RERG: variants seen among roughly 807,000 people sequenced by gnomAD.
RERG encodes RAS like estrogen regulated growth inhibitor, also known as ras-related and estrogen-regulated growth inhibitor.
Under a neutral mutation model 23.2 loss-of-function variants are expected in RERG, and 25 were observed. The ratio of observed to expected loss-of-function variants is 1.08; its 90% CI spans 0.79 to 1.50. The LOEUF is 1.50. Among genes scored for constraint, RERG ranks in the 40% most tolerant of loss-of-function variants. The probability of loss-of-function intolerance (pLI) is 0.00; values close to 1 mark genes in which losing one functional copy is unlikely to be tolerated. For synonymous variants in RERG, 81 were observed against 89.1 expected (o/e 0.91, Z 0.51); for missense variants, 253 against 250.1 (o/e 1.01, Z -0.08).
chr12:15,111,867 G>A lies in RERG; in HGVS notation c.119-450C>T, dbSNP rs371428263. On this transcript the variant is annotated intron_variant, in intron 3 of 4. Coordinates refer to ENST00000256953, the MANE Select transcript of RERG (RefSeq NM_032918.3). ...ATTTTTGTATTTTTAGTGGAGACAA[G>A]GTTTCACCATGTTGGCCAGGCTGGA... Among the ~76,000 whole-genome samples, 8 of 152,086 alleles carry A rather than the reference G, an allele frequency of 5.3e-5. No individual in the cohort carries two copies. In the South Asian group the frequency reaches 1.5e-3, roughly 28 times the overall value.
intron 2 of RERG, among the ~76,000 whole-genome samples, chr12:15,121,778 G>A (rs1863836652): frequency 6.6e-6 from 1 of 152,120 alleles, no homozygotes; most frequent in African/African-American, 2.4e-5. Flanking sequence ...AGGCACTGTG[G>A]GGTTAACTCA....
chr12:15,151,196 T>C (rs1864436226), intron 2 of RERG, among the ~76,000 whole-genome samples: 1 of 152,146 alleles, frequency 6.6e-6, no homozygotes, highest in South Asian at 2.1e-4. Context: ...TGAACACACT[T>C]AATCTTAGAG....
chr12:15,122,069 A>T (rs2136089038), intron 2 of RERG, among the ~76,000 whole-genome samples: 1 of 152,306 alleles, frequency 6.6e-6, no homozygotes, highest in Non-Finnish European at 1.5e-5. Context: ...GGCACTTAAA[A>T]AATGGAATGA....
intron 2 of RERG, among the ~76,000 whole-genome samples, chr12:15,198,522 A>C (rs1865175131): frequency 6.6e-6 from 1 of 152,146 alleles, no homozygotes; most frequent in Non-Finnish European, 1.5e-5. Context: ...CTTCTTGTTT[A>C]ATTTCAGTAT....
chr12:15,143,640 G>A (rs1864279173), intron 2 of RERG, among the ~76,000 whole-genome samples: 1 of 152,134 alleles, frequency 6.6e-6, no homozygotes, highest in Admixed American at 6.5e-5. Context: ...AGGTCCTAGA[G>A]ATGTAAACAG....
intron 2 of RERG, among the ~76,000 whole-genome samples, chr12:15,166,514 A>ATGGTGTTGG (rs1361894018): frequency 6.7e-6 from 1 of 149,396 alleles, no homozygotes; most frequent in Non-Finnish European, 1.5e-5. Context: ...GATGGTGGTG[A>ATGGTGTTGG]TGGTGGTGAT....
chr12:15,110,105 G>A (rs1387419859), intron 4 of RERG, among the ~76,000 whole-genome samples: 1 of 151,790 alleles, frequency 6.6e-6, no homozygotes. Flanking sequence ...CTATCTCAGA[G>A]CCCCCAAAAT....
chr12:15,120,525 A>G (rs1264788410), intron 3 of RERG, among the ~76,000 whole-genome samples: 2 of 151,868 alleles, frequency 1.3e-5, no homozygotes, highest in Non-Finnish European at 2.9e-5. Flanking sequence ...GTGTTTGCCT[A>G]CATTTTATAC....
At chr12:15,150,819 G>T (rs558507278) in intron 2 of RERG, among the ~76,000 whole-genome samples, 1 of 152,312 alleles carries the variant, frequency 6.6e-6, no homozygotes, top group Admixed American at 6.5e-5. Flanking sequence ...AGATGTGGGA[G>T]GTTATAGGGA....
intron 2 of RERG, among the ~76,000 whole-genome samples, chr12:15,148,076 C>CA (rs1212337399): frequency 6.6e-6 from 1 of 152,028 alleles, no homozygotes; most frequent in Non-Finnish European, 1.5e-5. Flanking sequence ...TTCTGCAAAC[C>CA]AAAGCCAGGG....
intron 2 of RERG, among the ~76,000 whole-genome samples, chr12:15,125,555 C>A (rs533576407): frequency 6.6e-6 from 1 of 151,922 alleles, no homozygotes; most frequent in Admixed American, 6.5e-5. Context: ...CAATGACATA[C>A]ATTACCAAGC....
chr12:15,135,802 G>A (rs1417267008), intron 2 of RERG, among the ~76,000 whole-genome samples: 1 of 152,042 alleles, frequency 6.6e-6, no homozygotes, highest in Non-Finnish European at 1.5e-5. Flanking sequence ...TTCAATTTGT[G>A]AATATTTTAT....
intron 2 of RERG, among the ~76,000 whole-genome samples, chr12:15,185,493 G>A (rs1271931220): frequency 6.6e-6 from 1 of 152,046 alleles, no homozygotes; most frequent in Non-Finnish European, 1.5e-5. Flanking sequence ...CCTACCTCCC[G>A]CTAGGTGAAG....
At chr12:15,129,336 G>C (rs945198219) in intron 2 of RERG, among the ~76,000 whole-genome samples, 6 of 150,830 alleles carry the variant, frequency 4.0e-5, no homozygotes, top group African/African-American at 1.5e-4. Flanking sequence ...CTTTAAAAAA[G>C]GGGGGCTCAG....
chr12:15,147,431 T>C (rs995902650), intron 2 of RERG, among the ~76,000 whole-genome samples: 11 of 152,194 alleles, frequency 7.2e-5, no homozygotes, highest in African/African-American at 2.7e-4. Context: ...TACAAAACAA[T>C]CTGAATAAAG....
At chr12:15,146,606 C>T (rs1864336668) in intron 2 of RERG, among the ~76,000 whole-genome samples, 1 of 152,202 alleles carries the variant, frequency 6.6e-6, no homozygotes. Flanking sequence ...GAAATCAAAT[C>T]TGGGACTGTC....
At chr12:15,203,287 G>A (rs1361376877) in intron 2 of RERG, among the ~76,000 whole-genome samples, 2 of 151,470 alleles carry the variant, frequency 1.3e-5, no homozygotes, top group African/African-American at 4.8e-5. Context: ...TTCACTGCTT[G>A]TTTGTTTTCT....
intron 2 of RERG, among the ~76,000 whole-genome samples, chr12:15,133,040 AC>A (rs1243182772): frequency 7.8e-6 from 1 of 128,448 alleles, no homozygotes; most frequent in Non-Finnish European, 1.6e-5. Context: ...TAGTGTGGTA[AC>A]TTTTTTTTTT....
At chr12:15,195,251 C>G (rs1006006946) in intron 2 of RERG, among the ~76,000 whole-genome samples, 2 of 151,970 alleles carry the variant, frequency 1.3e-5, no homozygotes, top group Admixed American at 6.6e-5. Context: ...AGGTCCAAAA[C>G]GACTGGGATG....
Sources: allele counts gnomAD v4.1 joint callset (sites outside exome capture counted in the v4.1 genomes callset), GRCh38; gene constraint gnomAD v4.1.1; transcripts MANE v1.5; gene names NCBI Gene and HGNC (gene_info 2026-07-23, HGNC 2026-07-21).